The following DMD variants were observed in gnomAD, a reference collection of about 807,000 sequenced individuals.
The protein encoded by DMD is dystrophin, also known as mutant dystrophin.
In DMD, 63 loss-of-function variants were observed where a neutral mutation model predicts 330.1. That is an observed-to-expected ratio of 0.19 (90% confidence interval 0.16 to 0.24). The LOEUF is 0.24. Ranked by LOEUF, DMD falls within the 10% of genes least tolerant of loss-of-function variation. DMD has a pLI of 1.00. For synonymous variants in DMD, 1,223 were observed against 959.8 expected, an observed-to-expected ratio of 1.27 and a Z score of -5.07; for missense variants, 3,344 against 2,684.1, an observed-to-expected ratio of 1.25 and a Z score of -5.43.
intron 7 of DMD, among the ~76,000 whole-genome samples, chrX:32,737,399 A>C (rs1224648940): frequency 9.0e-6 from 1 of 110,915 alleles, no homozygotes; most frequent in African/African-American, 3.3e-5. Context: ...GTCTTATAAA[A>C]CTTCCCCAAT....
chrX:31,326,591 T>TAA (rs764436608), intron 61 of DMD, among the ~76,000 whole-genome samples: 56 of 54,286 alleles, frequency 1.0e-3, no homozygotes, highest in Middle Eastern at 0.011. Flanking sequence ...CTTGACACAA[T>TAA]AAAAAAAAAA....
At chrX:31,728,735 G>C (rs920055311) in intron 52 of DMD, among the ~76,000 whole-genome samples, 2 of 111,787 alleles carry the variant, frequency 1.8e-5, no homozygotes, top group African/African-American at 6.5e-5. Flanking sequence ...ATGGCTGAAA[G>C]GTTTTCCTCC....
intron 49 of DMD, among the ~76,000 whole-genome samples, chrX:31,826,624 T>C (rs2149449760): frequency 8.9e-6 from 1 of 112,373 alleles, no homozygotes; most frequent in Non-Finnish European, 1.9e-5. Flanking sequence ...GTTCATCATA[T>C]AATAAAATTT....
At chrX:31,286,316 A>C (rs1441837834) in intron 62 of DMD, among the ~76,000 whole-genome samples, 1 of 112,556 alleles carries the variant, frequency 8.9e-6, no homozygotes, top group East Asian at 2.8e-4. Context: ...GAAAGATTTT[A>C]ATGTCATTTA....
intron 50 of DMD, among the ~76,000 whole-genome samples, chrX:31,796,056 G>A (rs779877152): frequency 1.8e-5 from 2 of 111,685 alleles, no homozygotes; most frequent in East Asian, 2.8e-4. Context: ...ATCCATGAAC[G>A]GCCTTGTGTA....
chrX:31,274,363 T>C (rs1030770640), intron 62 of DMD, among the ~76,000 whole-genome samples: 10 of 112,035 alleles, frequency 8.9e-5, no homozygotes, highest in African/African-American at 3.2e-4. Flanking sequence ...CATGTTCATA[T>C]TCTCAGACAG....
intron 37 of DMD, among the ~76,000 whole-genome samples, chrX:32,355,360 C>A (rs1000223519): frequency 9.0e-6 from 1 of 111,316 alleles, no homozygotes; most frequent in South Asian, 3.7e-4. Context: ...GACACTCTCA[C>A]AACCTCCTAT....
chrX:32,762,262 A>G (rs762326152), intron 7 of DMD, among the ~76,000 whole-genome samples: 7 of 110,166 alleles, frequency 6.4e-5, no homozygotes, highest in Non-Finnish European at 1.3e-4. Flanking sequence ...GAGAAATGAA[A>G]CTCTATCAAC....
At chrX:32,628,392 G>T (rs1191098086) in intron 11 of DMD, among the ~76,000 whole-genome samples, 1 of 96,001 alleles carries the variant, frequency 1.0e-5, no homozygotes, top group African/African-American at 3.8e-5. Flanking sequence ...CCATGTTGTT[G>T]TAAGTGACTG....
At chrX:31,763,466 A>T (rs780614800) in intron 51 of DMD, among the ~76,000 whole-genome samples, 12 of 112,004 alleles carry the variant, frequency 1.1e-4, no homozygotes, top group Admixed American at 5.7e-4. Context: ...AGGAGGCTGA[A>T]GCAGGAGAAT....
intron 1 of DMD, among the ~76,000 whole-genome samples, chrX:33,241,003 G>A (rs1432522208): frequency 8.9e-6 from 1 of 111,931 alleles, no homozygotes; most frequent in Non-Finnish European, 1.9e-5. Flanking sequence ...ATCCCATTCT[G>A]TAGGTTTTCT....
At chrX:31,782,511 G>A (rs962674498) in intron 50 of DMD, among the ~76,000 whole-genome samples, 4 of 109,753 alleles carry the variant, frequency 3.6e-5, no homozygotes, top group African/African-American at 6.6e-5. Context: ...AGCTGACCAC[G>A]AGTGCATGAA....
At chrX:32,486,360 A>G (rs190004197) in intron 20 of DMD, among the ~76,000 whole-genome samples, 92 of 112,242 alleles carry the variant, frequency 8.2e-4, no homozygotes, top group Admixed American at 4.8e-3. Flanking sequence ...AAAATGTACT[A>G]TTGAAATTCA....
At chrX:33,180,316 C>T (rs191571055) in intron 1 of DMD, among the ~76,000 whole-genome samples, 37 of 111,685 alleles carry the variant, frequency 3.3e-4, no homozygotes, top group Non-Finnish European at 5.8e-4. Flanking sequence ...ATTTATTTTA[C>T]AAACAGAATA....
At chrX:31,632,785 T>C (rs2079202082) in intron 54 of DMD, among the ~76,000 whole-genome samples, 1 of 112,129 alleles carries the variant, frequency 8.9e-6, no homozygotes, top group Non-Finnish European at 1.9e-5. Flanking sequence ...ACTAGTTTGC[T>C]AGTAAATTGC....
At chrX:33,089,346 G>A (rs996847164) in intron 1 of DMD, among the ~76,000 whole-genome samples, 4 of 110,862 alleles carry the variant, frequency 3.6e-5, no homozygotes, top group African/African-American at 1.3e-4. Context: ...TTACAGGCGT[G>A]AGCCACCGTG....
chrX:31,789,755 A>C (rs998216473), intron 50 of DMD, among the ~76,000 whole-genome samples: 4 of 111,681 alleles, frequency 3.6e-5, no homozygotes, highest in Admixed American at 2.9e-4. Context: ...AAAGATACGA[A>C]GGGAGAAAAT....
At chrX:31,508,849 G>A (rs758191667) in intron 55 of DMD, among the ~76,000 whole-genome samples, 5 of 111,539 alleles carry the variant, frequency 4.5e-5, no homozygotes, top group Non-Finnish European at 9.4e-5. Context: ...AAAAGTGGCA[G>A]AAATAACATG....
intron 62 of DMD, chrX:31,261,240 C>T (rs565702880): frequency 3.4e-5 from 13 of 383,796 alleles, no homozygotes; most frequent in South Asian, 7.4e-5. Context: ...AAACATTATT[C>T]GGTTCCAGAA....
Sources: gnomAD v4.1 joint callset for allele counts (sites outside exome capture counted in the v4.1 genomes callset) on GRCh38, gnomAD v4.1.1 for gene constraint, MANE v1.5 for transcripts, NCBI Gene and HGNC (gene_info 2026-07-23, HGNC 2026-07-21) for gene names.